The following CDH13 variants were observed in gnomAD, a reference collection of about 807,000 sequenced individuals.
The protein encoded by CDH13 is cadherin-13.
A neutral mutation model predicts 63.8 loss-of-function variants in CDH13; 24 were observed. That is an observed-to-expected ratio of 0.38 (90% confidence interval 0.27 to 0.53). CDH13 has a LOEUF of 0.53. Ranked by LOEUF, CDH13 falls within the 20% of genes least tolerant of loss-of-function variation. CDH13 has a pLI of 0.85. For synonymous variants in CDH13, 503 were observed against 355.3 expected (o/e 1.42, Z -4.67); for missense variants, 1,049 against 903.1 (o/e 1.16, Z -2.07).
At chr16:83,379,006 T>TATAC (rs540642910) in intron 6 of CDH13, among the ~76,000 whole-genome samples, 1 of 148,932 alleles carries the variant, frequency 6.7e-6, no homozygotes, top group African/African-American at 2.5e-5. Context: ...TATATATATA[T>TATAC]ACACACACAC....
chr16:83,619,051 C>T (rs1909560009), intron 8 of CDH13, among the ~76,000 whole-genome samples: 1 of 152,228 alleles, frequency 6.6e-6, no homozygotes, highest in Non-Finnish European at 1.5e-5. Flanking sequence ...AGAAGCGTCA[C>T]CTTCAGCCTG....
intron 4 of CDH13, among the ~76,000 whole-genome samples, chr16:83,179,707 A>T (rs949663995): frequency 2.9e-4 from 44 of 151,942 alleles, no homozygotes; most frequent in African/African-American, 1.1e-3. Context: ...AACCTGCCTG[A>T]AGTCACAGAA....
chr16:83,198,135 G>T (rs2038927419), intron 4 of CDH13, among the ~76,000 whole-genome samples: 1 of 151,894 alleles, frequency 6.6e-6, no homozygotes, highest in South Asian at 2.1e-4. Context: ...TACTTTCTCT[G>T]CCAGGATTTT....
intron 6 of CDH13, among the ~76,000 whole-genome samples, chr16:83,433,494 T>G (rs575990008): frequency 6.6e-6 from 1 of 152,202 alleles, no homozygotes; most frequent in Non-Finnish European, 1.5e-5. Context: ...AAGAGCATCA[T>G]TGTTTCCTTG....
intron 10 of CDH13, among the ~76,000 whole-genome samples, chr16:83,689,329 T>A (rs375760514): frequency 6.6e-6 from 1 of 152,202 alleles, no homozygotes. Flanking sequence ...AGGATTGCTA[T>A]ATAAGCTACT....
chr16:83,504,513 ACTT>A (rs1402424933), intron 7 of CDH13, among the ~76,000 whole-genome samples: 1 of 152,298 alleles, frequency 6.6e-6, no homozygotes, highest in African/African-American at 2.4e-5. Flanking sequence ...TTTGCTGACA[ACTT>A]CTTCTGCTGT....
chr16:82,994,052 G>A (rs1911940766), intron 2 of CDH13, among the ~76,000 whole-genome samples: 1 of 152,126 alleles, frequency 6.6e-6, no homozygotes, highest in Admixed American at 6.5e-5. Flanking sequence ...TCTGGTGCTG[G>A]TCTCAGGGGA....
intron 7 of CDH13, among the ~76,000 whole-genome samples, chr16:83,514,254 A>C (rs1358862399): frequency 6.6e-6 from 1 of 152,220 alleles, no homozygotes; most frequent in African/African-American, 2.4e-5. Context: ...GTCTACCCAG[A>C]ACCTCAGAAT....
intron 1 of CDH13, among the ~76,000 whole-genome samples, chr16:82,759,436 G>T (rs2034744968): frequency 6.6e-6 from 1 of 151,928 alleles, no homozygotes; most frequent in Admixed American, 6.6e-5. Flanking sequence ...TCATCTAAAT[G>T]AAGTCTGTTT....
intron 1 of CDH13, among the ~76,000 whole-genome samples, chr16:82,646,960 A>G (rs1910169080): frequency 6.6e-6 from 1 of 152,212 alleles, no homozygotes; most frequent in Non-Finnish European, 1.5e-5. Flanking sequence ...AGAGTTAGAA[A>G]GATGACAGTT....
intron 2 of CDH13, among the ~76,000 whole-genome samples, chr16:82,903,058 A>G (rs914981776): frequency 2.0e-5 from 3 of 152,224 alleles, no homozygotes; most frequent in Admixed American, 6.5e-5. Flanking sequence ...CAACAACTCT[A>G]TAAAGATGGT....
chr16:83,265,747 TTTTTTTG>T (rs1907538070), intron 5 of CDH13, among the ~76,000 whole-genome samples: 1 of 139,854 alleles, frequency 7.2e-6, no homozygotes, highest in Non-Finnish European at 1.5e-5. Context: ...TTTTTTTTTT[TTTTTTTG>T]GTCTGTGTCA....
At chr16:83,663,703 G>A (rs1027143853) in intron 8 of CDH13, among the ~76,000 whole-genome samples, 9 of 152,146 alleles carry the variant, frequency 5.9e-5, no homozygotes, top group Non-Finnish European at 1.2e-4. Context: ...AGGGAAGTCT[G>A]TGCCAAGTTC....
chr16:83,409,173 G>C (rs1347020651), intron 6 of CDH13, among the ~76,000 whole-genome samples: 2 of 152,128 alleles, frequency 1.3e-5, no homozygotes, highest in Non-Finnish European at 2.9e-5. Context: ...GCTTTCATGA[G>C]AGACTGGAGC....
chr16:83,747,874 T>C (rs1378961311), intron 10 of CDH13, among the ~76,000 whole-genome samples: 1 of 151,692 alleles, frequency 6.6e-6, no homozygotes, highest in African/African-American at 2.4e-5. Context: ...ATCTTCCTCC[T>C]GGGAGTGTCA....
chr16:82,853,728 A>C (rs1417417310), intron 1 of CDH13, among the ~76,000 whole-genome samples: 1 of 152,208 alleles, frequency 6.6e-6, no homozygotes, highest in East Asian at 1.9e-4. Context: ...CTGTGCTTTC[A>C]AAGGTGTCTT....
intron 1 of CDH13, among the ~76,000 whole-genome samples, chr16:82,809,318 A>AG (rs1210246130): frequency 1.3e-5 from 2 of 151,664 alleles, no homozygotes; most frequent in Non-Finnish European, 2.9e-5. Flanking sequence ...ACGTCCAAAA[A>AG]AAAAAAATCA....
chr16:83,332,616 C>A (rs2090503291), intron 5 of CDH13, among the ~76,000 whole-genome samples: 1 of 152,154 alleles, frequency 6.6e-6, no homozygotes, highest in Non-Finnish European at 1.5e-5. Context: ...GCACAAAAAT[C>A]CCCTTAACCC....
intron 6 of CDH13, among the ~76,000 whole-genome samples, chr16:83,470,303 C>T (rs545853931): frequency 1.3e-5 from 2 of 152,240 alleles, no homozygotes; most frequent in South Asian, 2.1e-4. Context: ...ACAATCCTTC[C>T]GCCTCAGTCT....
Sources: allele counts gnomAD v4.1 joint callset (sites outside exome capture counted in the v4.1 genomes callset), GRCh38; gene constraint gnomAD v4.1.1; transcripts MANE v1.5; gene names NCBI Gene and HGNC (gene_info 2026-07-23, HGNC 2026-07-21).